GRK5: variants seen among roughly 807,000 people sequenced by gnomAD.
GRK5 encodes the protein G protein-coupled receptor kinase 5.
GRK5 carries 40 observed loss-of-function variants against 78.4 expected under a neutral mutation model. The ratio of observed to expected loss-of-function variants is 0.51; its 90% CI spans 0.40 to 0.66. GRK5 has a LOEUF of 0.66. Ranked by LOEUF, GRK5 falls within the 30% of genes least tolerant of loss-of-function variation. GRK5 has a pLI of 0.00. For synonymous variants in GRK5, 289 were observed against 296.8 expected (o/e 0.97, Z 0.27); for missense variants, 598 against 759.9 (o/e 0.79, Z 2.50).
chr10:119,455,148 C>T lies in GRK5; in HGVS notation c.*81C>T, dbSNP rs530743687. 4 of 1,120,654 alleles carry T rather than the reference C, an allele frequency of 3.6e-6. No homozygotes were observed. The highest frequency in any genetic ancestry group is 5.4e-6 in the Non-Finnish European group (4 of 737,196). The allele number at this position is 1,120,654 out of a possible 1,614,324, so 69.4% of individuals were successfully genotyped here. ...AAGTGGAAGTAGTGGAGCCCCTGCTCTGGTGGGGCTGCCAGGGGAGACCCC... is the reference window on the plus strand; with the variant it reads ...AAGTGGAAGTAGTGGAGCCCCTGCTTTGGTGGGGCTGCCAGGGGAGACCCC... On this transcript the variant is annotated 3_prime_UTR_variant, in exon 16 of 16. Coordinates refer to ENST00000392870, the MANE Select transcript of GRK5 (RefSeq NM_005308.3).
At chr10:119,382,322 C>T (rs1295300530) in intron 3 of GRK5, among the ~76,000 whole-genome samples, 4 of 152,088 alleles carry the variant, frequency 2.6e-5, no homozygotes, top group African/African-American at 2.4e-5. Context: ...GCGTTAGAAA[C>T]ACCTGGGGAG....
rs987077877 is a variant in GRK5, at chr10:119,264,996, C to T, written c.52+57027C>T. Among the ~76,000 whole-genome samples, 4 of 152,184 alleles carry T rather than the reference C, an allele frequency of 2.6e-5. No homozygotes were observed. The highest frequency in any genetic ancestry group is 6.5e-5 in the Admixed American group (1 of 15,278). Reference sequence around the variant, plus strand: ...CAGCTTTCATTCTTTTGTGTTACTCCGTGCTGAGCTGGTTGGGGCTCACAG... The same window carrying T: ...CAGCTTTCATTCTTTTGTGTTACTCTGTGCTGAGCTGGTTGGGGCTCACAG... On this transcript the variant is annotated intron_variant, in intron 1 of 15. Transcript: ENST00000392870. The surrounding 1 kb of genome is among the most constrained non-coding windows in gnomAD (Gnocchi z 4.1).
intron 2 of GRK5, among the ~76,000 whole-genome samples, chr10:119,345,701 A>G (rs76973159): frequency 6.6e-4 from 100 of 152,190 alleles, no homozygotes; most frequent in Middle Eastern, 3.4e-3. Flanking sequence ...TTCACCATAT[A>G]CTTCCCCTCC....
intron 1 of GRK5, 78 bp from the exon 2 acceptor site, chr10:119,326,438 G>T: frequency 2.6e-6 from 3 of 1,175,774 alleles, no homozygotes; most frequent in Non-Finnish European, 3.8e-6. Flanking sequence ...CAGCCCAGGA[G>T]GCTGGTGGGC....
rs1370963207 is a variant in GRK5, at chr10:119,431,353, C to T, written c.598-34C>T. The T allele has an allele frequency of 1.3e-6, 2 of 1,598,784 alleles. No homozygotes were observed. Among genetic ancestry groups the T allele is most frequent in the Non-Finnish European group, 1.7e-6 (2 of 1,172,216 alleles). ...GAGCTCGGGGCAGGCCTCCACGGTG[C>T]TCCTGCCACCCTGGTTTCTTTCTTG... On this transcript the variant is annotated intron_variant, in intron 7 of 15. Transcript: ENST00000392870. This position sits in a 1 kb window ranked among gnomAD's most constrained non-coding sequence, Gnocchi z 4.8.
chr10:119,290,367 A>C (rs111480164), intron 1 of GRK5, among the ~76,000 whole-genome samples: 6 of 137,486 alleles, frequency 4.4e-5, no homozygotes, highest in Admixed American at 7.9e-5. Context: ...AAAAAAACAA[A>C]AAACAACTCT....
chr10:119,304,095 C>G (rs1850231881), intron 1 of GRK5, among the ~76,000 whole-genome samples: 1 of 152,052 alleles, frequency 6.6e-6, no homozygotes, highest in East Asian at 1.9e-4. Context: ...AAACTCAGAA[C>G]CTGGGCTTTA....
At chr10:119,313,030 CAGTGGTGA>C (rs1850397323) in intron 1 of GRK5, among the ~76,000 whole-genome samples, 2 of 3,190 alleles carry the variant, frequency 6.3e-4, no homozygotes, top group Admixed American at 3.0e-3. Flanking sequence ...GTGGTAATGG[CAGTGGTGA>C]TGGTGGTGGT....
chr10:119,443,587 C>T lies in GRK5; in HGVS notation c.1101C>T (p.Asp367=). 2 of 1,613,286 alleles carry T rather than the reference C, an allele frequency of 1.2e-6. No individual in the cohort carries two copies. Among genetic ancestry groups the T allele is most frequent in the East Asian group, 2.2e-5 (1 of 44,856 alleles). Residue 367 remains aspartate (D), a synonymous_variant, in exon 12 of 16, where the codon GAC becomes GAT. Transcript: ENST00000392870. ...ACCAGAGGTACGGCCTGAGCCCCGA[C>T]TACTGGGGCCTTGGCTGCCTCATCT... The part of the protein sequence containing the change: ...LNNQRYGLSP[D]YWGLGCLIYE...
intron 3 of GRK5, among the ~76,000 whole-genome samples, chr10:119,381,953 A>G (rs1201663633): frequency 6.6e-6 from 1 of 152,200 alleles, no homozygotes. Context: ...TCTCCACTGA[A>G]GTCACAAAGG....
At chr10:119,234,619 C>T (rs987987693) in intron 1 of GRK5, among the ~76,000 whole-genome samples, 4 of 151,636 alleles carry the variant, frequency 2.6e-5, no homozygotes, top group African/African-American at 9.7e-5. Flanking sequence ...TTTTCTCCTT[C>T]CCCTCCCCTC....
chr10:119,296,763 A>C (rs546123911), intron 1 of GRK5, among the ~76,000 whole-genome samples: 1 of 152,282 alleles, frequency 6.6e-6, no homozygotes, highest in East Asian at 1.9e-4. Context: ...GGGGGGTTGT[A>C]TATATAATCT....
intron 2 of GRK5, among the ~76,000 whole-genome samples, chr10:119,329,779 G>A (rs1850737488): frequency 6.6e-6 from 1 of 151,258 alleles, no homozygotes; most frequent in Admixed American, 6.6e-5. Context: ...CTGCAGAAAA[G>A]CTTTTGCTGG....
chr10:119,386,788 C>T (rs1489137353), intron 3 of GRK5, among the ~76,000 whole-genome samples: 1 of 152,160 alleles, frequency 6.6e-6, no homozygotes, highest in Non-Finnish European at 1.5e-5. Flanking sequence ...GTCTAAAATC[C>T]GTTTTTTCTT....
chr10:119,402,056 A>G (rs909318003), intron 4 of GRK5, among the ~76,000 whole-genome samples: 62 of 152,154 alleles, frequency 4.1e-4, no homozygotes, highest in Non-Finnish European at 8.2e-4. Flanking sequence ...GAAGAGAGGG[A>G]TGAAGGAGGC....
chr10:119,304,763 G>A (rs1464326673), intron 1 of GRK5, among the ~76,000 whole-genome samples: 5 of 152,174 alleles, frequency 3.3e-5, no homozygotes, highest in Non-Finnish European at 5.9e-5. Context: ...TCTAGGGGTA[G>A]GGCATGAGAA....
chr10:119,406,574 C>T, intron 4 of GRK5: 1 of 653,916 alleles, frequency 1.5e-6, no homozygotes, highest in South Asian at 6.7e-5. Context: ...CCCTCATTTC[C>T]CAGTCCCCGG....
chr10:119,444,932 G>T (rs1205602099), intron 12 of GRK5, among the ~76,000 whole-genome samples: 1 of 152,208 alleles, frequency 6.6e-6, no homozygotes, highest in African/African-American at 2.4e-5. Flanking sequence ...GATCTGCGCC[G>T]CAAGCGGCCC....
At chr10:119,371,195 C>G (rs767047366) in intron 2 of GRK5, among the ~76,000 whole-genome samples, 1 of 152,324 alleles carries the variant, frequency 6.6e-6, no homozygotes, top group Non-Finnish European at 1.5e-5. Flanking sequence ...CCTCCCCGCA[C>G]CCGGGCTGCA....
Sources: gnomAD v4.1 joint callset for allele counts (sites outside exome capture counted in the v4.1 genomes callset) on GRCh38, gnomAD v4.1.1 for gene constraint, Gnocchi (gnomAD v3.1) non-coding constraint, MANE v1.5 for transcripts, NCBI Gene and HGNC (gene_info 2026-07-23, HGNC 2026-07-21) for gene names.